DOP1B: variants seen among roughly 807,000 people sequenced by gnomAD.
DOP1B encodes DOP1 leucine zipper like protein B.
DOP1B carries 174 observed loss-of-function variants against 233.5 expected under a neutral mutation model. The ratio of observed to expected loss-of-function variants is 0.75; its 90% CI spans 0.66 to 0.85. The LOEUF is 0.85. Ranked by LOEUF, DOP1B falls within the 40% of genes least tolerant of loss-of-function variation. The probability of loss-of-function intolerance (pLI) is 0.00; values close to 1 mark genes in which losing one functional copy is unlikely to be tolerated. For synonymous variants in DOP1B, 1,190 were observed against 1,185.6 expected (o/e 1.00, Z -0.08); for missense variants, 2,652 against 2,846.6 (o/e 0.93, Z 1.56).
At position 36,229,661 on chromosome 21, in the gene DOP1B, C is replaced by CTTT. The variant is rs373779563; in HGVS notation, c.1666-773_1666-771dup. Among the ~76,000 whole-genome samples the CTTT allele has an allele frequency of 7.6e-3, 965 of 127,686 alleles. 21 individuals are homozygous for CTTT. The highest frequency in any genetic ancestry group is 0.028 in the African/African-American group (925 of 33,210). 83.8% of individuals were successfully genotyped at this position (127,686 alleles called of 152,430 possible). ...TACACTATTCTCTGACTTGCTTTAC[C>CTTT]TTTTTTTTTTTTTTTTTTGAGACAG... On this transcript the variant is annotated intron_variant, in intron 13 of 36. Transcript: ENST00000691173.
intron 5 of DOP1B, among the ~76,000 whole-genome samples, chr21:36,209,389 G>A (rs1052779758): frequency 2.0e-5 from 3 of 152,220 alleles, no homozygotes; most frequent in Non-Finnish European, 4.4e-5. Context: ...CTCCCAAAGT[G>A]GCATTAAGAT....
Position 36,245,494 on chromosome 21 carries a change from G to T in DOP1B, c.3514G>T (p.Ala1172Ser), listed in dbSNP as rs1303238859. ...LAAFQSESFK[A>S]GAKLSLVRVD... ...GGCCTTCCAGTCAGAAAGCTTCAAG[G>T]CTGGGGCCAAGTTAAGCCTGGTGCG... Residue 1172 changes from alanine (A) to serine (S), a missense_variant, in exon 19 of 37, where the codon GCT becomes TCT. By Grantham distance (99) the Ala-to-Ser change is moderately conservative. This residue lies in a region of DOP1B where 2,617 missense variants were observed against 2,794.3 expected (regional missense o/e 0.94). Coordinates refer to ENST00000691173, the MANE Select transcript of DOP1B (RefSeq NM_001320714.2). The surrounding 1 kb of genome is among the most constrained non-coding windows in gnomAD (Gnocchi z 5.5). 6.2e-7 allele frequency: 1 copy of T among 1,613,622 alleles called. No individual in the cohort carries two copies. Among genetic ancestry groups the T allele is most frequent in the African/African-American group, 1.3e-5 (1 of 74,942 alleles).
intron 10 of DOP1B, among the ~76,000 whole-genome samples, chr21:36,220,731 CT>C (rs1281204215): frequency 6.0e-5 from 9 of 149,432 alleles, no homozygotes; most frequent in African/African-American, 2.2e-4. Flanking sequence ...TCTCAAACTC[CT>C]GAGCTCAAGC....
chr21:36,253,779 C>CA lies in DOP1B; in HGVS notation c.5131dup (p.Thr1711AsnfsTer22). 1.2e-6 allele frequency: 2 copies of CA among 1,610,448 alleles called. No homozygotes were observed. The highest frequency in any genetic ancestry group is 1.7e-6 in the Non-Finnish European group (2 of 1,178,424). ...TTTTTTTTTTCTTGGCAGATTATCC[C>CA]AACGGCAAGTGCATCCCAGCTAACC... On this transcript the variant is annotated frameshift_variant, in exon 23 of 37. Coordinates refer to ENST00000691173, the MANE Select transcript of DOP1B (RefSeq NM_001320714.2). LOFTEE classifies it high-confidence loss of function.
chr21:36,191,342 AG>A (rs2066232514), intron 2 of DOP1B, among the ~76,000 whole-genome samples: 1 of 152,108 alleles, frequency 6.6e-6, no homozygotes, highest in Non-Finnish European at 1.5e-5. Flanking sequence ...AAGCCCTAGA[AG>A]GTAGTTATTG....
In DOP1B at chr21:36,245,358, C is replaced by T; in HGVS notation, c.3378C>T (p.Ser1126=). ...GCCACACGGACAGCGAGAACACGTC[C>T]TCCTTCTCCTCCCCTTCCCACGACC... is the stretch of plus-strand genomic sequence containing the variant. ...SSCHTDSENT[S]SFSSPSHDLQ... is the part of the protein sequence containing the mutation. Residue 1126 remains serine, a synonymous_variant, in exon 19 of 37, where the codon TCC becomes TCT. Transcript: ENST00000691173. This position sits in a 1 kb window ranked among gnomAD's most constrained non-coding sequence, Gnocchi z 5.5. The T allele has an allele frequency of 6.2e-7, 1 of 1,614,070 alleles. No individual in the cohort carries two copies. Among genetic ancestry groups the T allele is most frequent in the Non-Finnish European group, 8.5e-7 (1 of 1,179,998 alleles).
chr21:36,166,141 G>A (rs2065909567), intron 2 of DOP1B, among the ~76,000 whole-genome samples: 1 of 151,752 alleles, frequency 6.6e-6, no homozygotes, highest in Admixed American at 6.6e-5. Flanking sequence ...TGGAGAAATT[G>A]TCTTCCACGT....
chr21:36,280,155 G>A (rs577338886), intron 30 of DOP1B, 130 bp from the exon 31 acceptor site: 10 of 619,000 alleles, frequency 1.6e-5, no homozygotes, highest in Admixed American at 9.6e-5. Context: ...GATTATAGGC[G>A]TGAGCCACTG....
In DOP1B at chr21:36,248,432, T is replaced by A. The variant is rs2066993742; in HGVS notation, c.4862T>A (p.Leu1621Ter). 6.2e-7 allele frequency: 1 copy of A among 1,614,062 alleles called. No homozygotes were observed. Among genetic ancestry groups the A allele is most frequent in the Non-Finnish European group, 8.5e-7 (1 of 1,179,920 alleles). ...ANLRNARNAI[L>*]EELPRTVNTM... ...TTGAGGAATGCCAGAAATGCCATTTTGGAAGAGCTGCCTCGAACTGTTAAC... is the reference window on the plus strand; with the variant it reads ...TTGAGGAATGCCAGAAATGCCATTTAGGAAGAGCTGCCTCGAACTGTTAAC... The change falls in exon 21 of 37, where the codon TTG becomes TAG. Residue 1621 changes from leucine (L) to a stop codon, truncating the protein, a stop_gained. Coordinates refer to ENST00000691173, the MANE Select transcript of DOP1B (RefSeq NM_001320714.2). LOFTEE classifies it high-confidence loss of function.
At chr21:36,173,475 G>A (rs1255055500) in intron 2 of DOP1B, among the ~76,000 whole-genome samples, 1 of 148,114 alleles carries the variant, frequency 6.8e-6, no homozygotes, top group Admixed American at 6.8e-5. Flanking sequence ...AGGCTGGAGT[G>A]CAGCGGCCCC....
rs1346382323 is a variant in DOP1B, at chr21:36,194,632, G to A, written c.139-4438G>A. Among the ~76,000 whole-genome samples, 7 of 151,810 alleles carry A rather than the reference G, an allele frequency of 4.6e-5. No homozygotes were observed. The East Asian group carries it at 7.9e-4, about 17-fold the overall frequency. ...CTCCTGAGTAGCTGGGACTGCAGGC[G>A]TGTGCCACCACGCCTGGCTAATTTT... On this transcript the variant is annotated intron_variant, in intron 2 of 36. Transcript: ENST00000691173.
chr21:36,274,425 CAG>C (rs1164723929), intron 27 of DOP1B, among the ~76,000 whole-genome samples: 1 of 152,206 alleles, frequency 6.6e-6, no homozygotes, highest in Non-Finnish European at 1.5e-5. Flanking sequence ...GTGGAAAAAA[CAG>C]AAGAAAAAAC....
In DOP1B at chr21:36,164,761, A is replaced by C. The variant is rs780026740; in HGVS notation, c.28A>C (p.Asn10His). MDPEEQELL[N>H]DYRYRSYSSV... ...GGATCCAGAAGAGCAGGAGCTCTTA[A>C]ATGATTACAGATACAGAAGCTACTC... The change falls in exon 2 of 37, where the codon AAT becomes CAT. Residue 10 changes from asparagine (N) to histidine (H), a missense_variant. Around this residue, in one of 3 missense-constraint regions of DOP1B, gnomAD observed 2,617 missense variants for 2,794.3 expected, o/e 0.94. Coordinates refer to ENST00000691173, the MANE Select transcript of DOP1B (RefSeq NM_001320714.2). 1 of 1,607,478 alleles carries C rather than the reference A, an allele frequency of 6.2e-7. No homozygotes were observed. Among genetic ancestry groups the C allele is most frequent in the African/African-American group, 1.3e-5 (1 of 74,602 alleles).
intron 2 of DOP1B, among the ~76,000 whole-genome samples, chr21:36,185,663 T>G (rs1852169801): frequency 1.3e-5 from 2 of 152,212 alleles, no homozygotes. Flanking sequence ...GAGGAAGTGC[T>G]GTGCCATCGC....
Position 36,247,647 on chromosome 21 carries a change from TGAGTTCAAGGCAA to T in DOP1B, c.4809+20_4809+32del. On this transcript the variant is annotated intron_variant, in intron 20 of 36. Transcript: ENST00000691173. ...CAAAAAGGTAAATTTTTTTTTTTCCTGAGTTCAAGGCAATTTTCATGTATTGTTTTGTCTTTGG... is the reference window on the plus strand; with the variant it reads ...CAAAAAGGTAAATTTTTTTTTTTCCTTTTTCATGTATTGTTTTGTCTTTGG... The T allele has an allele frequency of 7.9e-7, 1 of 1,260,818 alleles. No homozygotes were observed. Among genetic ancestry groups the T allele is most frequent in the African/African-American group, 1.6e-5 (1 of 62,618 alleles). The allele number at this position is 1,260,818 out of a possible 1,614,324, so 78.1% of individuals were successfully genotyped here. A position where few individuals can be genotyped will look rare whatever the true frequency, so the allele number is the denominator to read the frequency against.
At chr21:36,188,613 T>G (rs932277435) in intron 2 of DOP1B, among the ~76,000 whole-genome samples, 1 of 152,182 alleles carries the variant, frequency 6.6e-6, no homozygotes, top group South Asian at 2.1e-4. Context: ...TTCAGTGGCA[T>G]GAAAAGAACA....
chr21:36,185,043 C>T (rs2066148232), intron 2 of DOP1B, among the ~76,000 whole-genome samples: 1 of 152,154 alleles, frequency 6.6e-6, no homozygotes, highest in Non-Finnish European at 1.5e-5. Flanking sequence ...GTCCCGAAGG[C>T]GTTCTTCCTT....
chr21:36,258,096 T>G (rs1263204195), intron 23 of DOP1B, among the ~76,000 whole-genome samples: 4 of 151,900 alleles, frequency 2.6e-5, no homozygotes, highest in African/African-American at 9.7e-5. Flanking sequence ...GATAGATAGA[T>G]GTAGGTAGGT....
At chr21:36,180,834 T>G (rs11911615) in intron 2 of DOP1B, among the ~76,000 whole-genome samples, 52,710 of 151,552 alleles carry the variant, frequency 0.35, 9,153 homozygotes, top group Admixed American at 0.39. Flanking sequence ...TGAGCCGAGA[T>G]TATGCCACTG....
Sources: allele counts gnomAD v4.1 joint callset (sites outside exome capture counted in the v4.1 genomes callset), GRCh38; gene constraint gnomAD v4.1.1; regional missense constraint gnomAD v4.1.1; non-coding constraint Gnocchi (gnomAD v3.1); transcripts MANE v1.5; gene names NCBI Gene and HGNC (gene_info 2026-07-23, HGNC 2026-07-21).